LRRTM4: variants seen among roughly 807,000 people sequenced by gnomAD.
LRRTM4 encodes leucine rich repeat transmembrane neuronal 4.
Under a neutral mutation model 47.6 loss-of-function variants are expected in LRRTM4, and 25 were observed. The ratio of observed to expected loss-of-function variants is 0.53; its 90% CI spans 0.38 to 0.73. The LOEUF (loss-of-function observed/expected upper bound fraction) is 0.73, where lower values mean the gene tolerates loss of function less well. LRRTM4 is among the 30% of genes least tolerant of loss of function. The pLI is 0.00. For synonymous variants in LRRTM4, 311 were observed against 269.5 expected, an observed-to-expected ratio of 1.15 and a Z score of -1.51; for missense variants, 638 against 713.4, an observed-to-expected ratio of 0.89 and a Z score of 1.20.
intron 3 of LRRTM4, among the ~76,000 whole-genome samples, chr2:76,761,865 C>G (rs2104084381): frequency 6.6e-6 from 1 of 152,272 alleles, no homozygotes; most frequent in Non-Finnish European, 1.5e-5. Flanking sequence ...TGCTTTAAAG[C>G]AACCTGATGC....
chr2:77,087,363 CT>C (rs1488024609), intron 3 of LRRTM4, among the ~76,000 whole-genome samples: 5 of 152,194 alleles, frequency 3.3e-5, no homozygotes, highest in Non-Finnish European at 7.3e-5. Flanking sequence ...CCATAAAAAT[CT>C]ACAATCACAG....
intron 3 of LRRTM4, among the ~76,000 whole-genome samples, chr2:76,800,823 C>T (rs1675629895): frequency 1.3e-5 from 2 of 148,970 alleles, no homozygotes; most frequent in Non-Finnish European, 3.0e-5. Flanking sequence ...CAAAAGAAGA[C>T]ATTTATGCAG....
chr2:77,273,864 T>C (rs570390867), intron 3 of LRRTM4, among the ~76,000 whole-genome samples: 149 of 152,306 alleles, frequency 9.8e-4, no homozygotes, highest in African/African-American at 3.4e-3. Context: ...GTTTACATAT[T>C]ACCATATTCC....
At chr2:77,090,676 G>A (rs1013526243) in intron 3 of LRRTM4, among the ~76,000 whole-genome samples, 9 of 152,128 alleles carry the variant, frequency 5.9e-5, no homozygotes, top group Admixed American at 2.0e-4. Context: ...CTGACCACCA[G>A]GCCAAGGAAT....
chr2:77,044,703 A>G (rs913100621), intron 3 of LRRTM4, among the ~76,000 whole-genome samples: 1 of 151,646 alleles, frequency 6.6e-6, no homozygotes, highest in African/African-American at 2.4e-5. Context: ...ATATATATAC[A>G]CCATACATTT....
chr2:77,033,379 C>G (rs900874441), intron 3 of LRRTM4, among the ~76,000 whole-genome samples: 1 of 151,578 alleles, frequency 6.6e-6, no homozygotes, highest in African/African-American at 2.4e-5. Flanking sequence ...AAGACATTTT[C>G]CATTAGTAGT....
intron 3 of LRRTM4, among the ~76,000 whole-genome samples, chr2:77,016,984 C>G (rs779545783): frequency 6.6e-6 from 1 of 151,898 alleles, no homozygotes; most frequent in Non-Finnish European, 1.5e-5. Context: ...TAGTAGCAAG[C>G]TGTGAATACT....
At chr2:77,444,147 G>T (rs1013341832) in intron 3 of LRRTM4, among the ~76,000 whole-genome samples, 3 of 152,024 alleles carry the variant, frequency 2.0e-5, no homozygotes, top group African/African-American at 7.2e-5. Flanking sequence ...TGATAATTAA[G>T]AAATAAAGCT....
At chr2:77,118,358 C>A (rs1281737106) in intron 3 of LRRTM4, among the ~76,000 whole-genome samples, 1 of 151,718 alleles carries the variant, frequency 6.6e-6, no homozygotes, top group Non-Finnish European at 1.5e-5. Flanking sequence ...ACTTTTTTCA[C>A]AAAGGAAAAT....
chr2:77,189,875 C>T (rs558524502), intron 3 of LRRTM4, among the ~76,000 whole-genome samples: 1 of 152,050 alleles, frequency 6.6e-6, no homozygotes, highest in South Asian at 2.1e-4. Context: ...TATGTATACA[C>T]ATATATAACT....
At chr2:76,999,731 T>G (rs1677345532) in intron 3 of LRRTM4, among the ~76,000 whole-genome samples, 1 of 152,168 alleles carries the variant, frequency 6.6e-6, no homozygotes. Flanking sequence ...GTGAATTCAA[T>G]TTTGTCTTTC....
intron 3 of LRRTM4, among the ~76,000 whole-genome samples, chr2:77,338,459 A>G (rs1477188458): frequency 6.6e-6 from 1 of 152,178 alleles, no homozygotes; most frequent in Non-Finnish European, 1.5e-5. Flanking sequence ...AAAAAAAGAC[A>G]CAGAAGTGGC....
At chr2:77,260,810 G>A (rs1217258236) in intron 3 of LRRTM4, among the ~76,000 whole-genome samples, 1 of 152,028 alleles carries the variant, frequency 6.6e-6, no homozygotes, top group South Asian at 2.1e-4. Flanking sequence ...AAGTCACGCC[G>A]AGCCTGATCA....
chr2:77,225,651 A>G (rs1331354649), intron 3 of LRRTM4, among the ~76,000 whole-genome samples: 1 of 152,138 alleles, frequency 6.6e-6, no homozygotes, highest in Non-Finnish European at 1.5e-5. Context: ...TTAGTTTTAC[A>G]CTGTATGTAA....
intron 3 of LRRTM4, among the ~76,000 whole-genome samples, chr2:77,142,713 G>A (rs768850393): frequency 6.6e-6 from 1 of 152,088 alleles, no homozygotes; most frequent in Admixed American, 6.6e-5. Context: ...TTAGAATGCT[G>A]AAGATGATAC....
Position 77,480,818 on chromosome 2 carries a change from GTGTGGAGAGA to G in LRRTM4, c.1551+37490_1551+37499del, listed in dbSNP as rs1343825709. Among the ~76,000 whole-genome samples, 82 of 114,988 alleles carry G rather than the reference GTGTGGAGAGA, an allele frequency of 7.1e-4. No individual in the cohort carries two copies. In the East Asian group the frequency reaches 0.02, roughly 27 times the overall value. 75.4% of individuals were successfully genotyped at this position (114,988 alleles called of 152,430 possible). ...TGTGTGTGTGTGTGTGTGTGTGTGT[GTGTGGAGAGA>G]GAGAGAGAGAGAGAGAGAGAGAGAG... is the stretch of plus-strand genomic sequence containing the variant. On this transcript the variant is annotated intron_variant, in intron 3 of 3. Coordinates refer to ENST00000409884, the MANE Select transcript of LRRTM4 (RefSeq NM_001134745.3).
At chr2:77,064,997 A>C (rs1367724203) in intron 3 of LRRTM4, among the ~76,000 whole-genome samples, 1 of 152,124 alleles carries the variant, frequency 6.6e-6, no homozygotes, top group African/African-American at 2.4e-5. Context: ...ATTAATGTTC[A>C]TTATAGCACC....
intron 3 of LRRTM4, among the ~76,000 whole-genome samples, chr2:77,453,188 T>C (rs908896979): frequency 6.9e-6 from 1 of 144,914 alleles, no homozygotes; most frequent in Non-Finnish European, 1.5e-5. Context: ...TTTTTTTTTT[T>C]TTTTTTTTTT....
chr2:76,877,289 A>G (rs1672804494), intron 3 of LRRTM4, among the ~76,000 whole-genome samples: 1 of 152,086 alleles, frequency 6.6e-6, no homozygotes, highest in African/African-American at 2.4e-5. Flanking sequence ...ATTTTTGTGC[A>G]ACTTCTTGGG....
Sources: gnomAD v4.1 joint callset for allele counts (sites outside exome capture counted in the v4.1 genomes callset) on GRCh38, gnomAD v4.1.1 for gene constraint, MANE v1.5 for transcripts, NCBI Gene and HGNC (gene_info 2026-07-23, HGNC 2026-07-21) for gene names.